Variants in STXBP5L observed in about 807,000 individuals in gnomAD.
STXBP5L encodes syntaxin-binding protein 5-like.
In STXBP5L, 65 loss-of-function variants were observed where a neutral mutation model predicts 144.5. The observed-to-expected ratio is 0.45, with a 90% confidence interval of 0.37 to 0.55. STXBP5L has a LOEUF of 0.55. STXBP5L is among the 20% of genes least tolerant of loss of function. STXBP5L has a pLI of 0.00. For missense variants in STXBP5L, 1,298 were observed against 1,405.5 expected (o/e 0.92, Z 1.22); for synonymous variants, 505 against 469.6 (o/e 1.08, Z -0.97).
At chr3:121,386,003 T>C (rs1012230822) in intron 22 of STXBP5L, among the ~76,000 whole-genome samples, 5 of 152,204 alleles carry the variant, frequency 3.3e-5, no homozygotes, top group Non-Finnish European at 1.5e-5. Context: ...AAAAACTTTA[T>C]TAAAGTATTA....
intron 7 of STXBP5L, among the ~76,000 whole-genome samples, chr3:121,126,880 C>A (rs1374356809): frequency 6.6e-6 from 1 of 152,184 alleles, no homozygotes; most frequent in Non-Finnish European, 1.5e-5. Flanking sequence ...TGGCTTGCAG[C>A]CCCTTTGTCT....
intron 20 of STXBP5L, among the ~76,000 whole-genome samples, chr3:121,342,787 A>G (rs1380010428): frequency 6.8e-6 from 1 of 146,278 alleles, no homozygotes; most frequent in East Asian, 2.0e-4. Flanking sequence ...TGCTATTGTG[A>G]ATAGTGCCAC....
intron 20 of STXBP5L, among the ~76,000 whole-genome samples, chr3:121,372,046 C>T (rs1298539795): frequency 6.6e-6 from 1 of 152,148 alleles, no homozygotes; most frequent in Non-Finnish European, 1.5e-5. Context: ...CGGGTGAGTG[C>T]CTGTGGGCAA....
chr3:121,334,793 G>T (rs2044447096), intron 20 of STXBP5L, among the ~76,000 whole-genome samples: 2 of 152,058 alleles, frequency 1.3e-5, no homozygotes, highest in Admixed American at 1.3e-4. Flanking sequence ...AACATACTAG[G>T]TAATGAAGGA....
intron 20 of STXBP5L, among the ~76,000 whole-genome samples, chr3:121,343,916 ACCAAAAAAGAG>A (rs1328624801): frequency 6.6e-6 from 1 of 152,062 alleles, no homozygotes; most frequent in Non-Finnish European, 1.5e-5. Context: ...TTCATATGGA[ACCAAAAAAGAG>A]CCTGCATCAC....
intron 20 of STXBP5L, among the ~76,000 whole-genome samples, chr3:121,342,292 A>T (rs1312274378): frequency 6.6e-6 from 1 of 152,138 alleles, no homozygotes; most frequent in Admixed American, 6.6e-5. Flanking sequence ...TCAAGCCTTG[A>T]ATGTATGTAA....
At chr3:121,053,535 A>T (rs1021978198) in intron 5 of STXBP5L, among the ~76,000 whole-genome samples, 1 of 152,140 alleles carries the variant, frequency 6.6e-6, no homozygotes, top group African/African-American at 2.4e-5. Context: ...AACTGGCTAG[A>T]CATGTGTAGA....
At position 121,379,597 on chromosome 3, in the gene STXBP5L, A is replaced by G. The variant is rs569772880; in HGVS notation, c.2347+711A>G. 1.7e-3 allele frequency among the ~76,000 whole-genome samples: 259 copies of G among 152,314 alleles called. 1 individual carries two copies. The highest frequency in any genetic ancestry group is 5.4e-3 in the African/African-American group (225 of 41,590). On this transcript the variant is annotated intron_variant, in intron 21 of 26. Coordinates refer to ENST00000471454, the MANE Select transcript of STXBP5L (RefSeq NM_001308330.2). ...TCCTGAAAACTTTTGACAGTGATCT[A>G]TATTGGTCTTCAAATTTAAAAAAAT...
At chr3:121,239,247 C>T (rs1010057932) in intron 13 of STXBP5L, 129 bp downstream of exon 13, 12 of 503,894 alleles carry the variant, frequency 2.4e-5, no homozygotes, top group Non-Finnish European at 1.0e-5. Context: ...TATAAGCCAA[C>T]ATCTATTAAA....
intron 2 of STXBP5L, among the ~76,000 whole-genome samples, chr3:120,950,066 TA>T (rs1322284691): frequency 1.3e-5 from 2 of 152,024 alleles, no homozygotes; most frequent in African/African-American, 4.8e-5. Flanking sequence ...TTTTGTCAAT[TA>T]AAAAATAATT....
intron 18 of STXBP5L, among the ~76,000 whole-genome samples, chr3:121,274,301 A>C (rs1391627297): frequency 3.9e-5 from 6 of 152,228 alleles, no homozygotes; most frequent in Admixed American, 2.6e-4. Flanking sequence ...TAAGAAAGAC[A>C]CAGGTATGGT....
At chr3:121,348,869 T>C (rs1481682598) in intron 20 of STXBP5L, among the ~76,000 whole-genome samples, 1 of 152,092 alleles carries the variant, frequency 6.6e-6, no homozygotes, top group Non-Finnish European at 1.5e-5. Flanking sequence ...TTATTCTTAC[T>C]AGCAGTCTAT....
intron 3 of STXBP5L, among the ~76,000 whole-genome samples, chr3:121,003,310 T>G (rs1217215441): frequency 8.0e-6 from 1 of 124,334 alleles, no homozygotes; most frequent in African/African-American, 3.5e-5. Flanking sequence ...TGGCCAGTGA[T>G]GATGAGCATT....
At chr3:121,306,164 A>G (rs2102559) in intron 19 of STXBP5L, among the ~76,000 whole-genome samples, 15,116 of 152,210 alleles carry the variant, frequency 0.099, 1,182 homozygotes, top group Admixed American at 0.2. Context: ...AAATGAAGAC[A>G]TATTTATTCA....
At chr3:121,125,952 T>C (rs2044686174) in intron 7 of STXBP5L, among the ~76,000 whole-genome samples, 1 of 152,162 alleles carries the variant, frequency 6.6e-6, no homozygotes, top group Admixed American at 6.6e-5. Flanking sequence ...ATTTGAGTCA[T>C]AGTTTTCTCA....
At chr3:121,251,476 G>A (rs1047906646) in intron 15 of STXBP5L, among the ~76,000 whole-genome samples, 2 of 152,170 alleles carry the variant, frequency 1.3e-5, no homozygotes, top group African/African-American at 4.8e-5. Context: ...TTAACATTTA[G>A]TGTGAGTTTT....
At chr3:121,386,918 C>A (rs374481308) in intron 22 of STXBP5L, among the ~76,000 whole-genome samples, 37 of 152,060 alleles carry the variant, frequency 2.4e-4, no homozygotes, top group African/African-American at 8.9e-4. Flanking sequence ...GTGTATATAC[C>A]CAGTAATGGG....
rs1053621751 is a variant in STXBP5L at position 120,963,892 on chromosome 3, C to T, written c.287+8855C>T. ...CTCTGGTAGTATTCTGCTTTGAATCCGTCTGGTCCTGGATTGTTTTTGGTT... is the reference window on the plus strand; with the variant it reads ...CTCTGGTAGTATTCTGCTTTGAATCTGTCTGGTCCTGGATTGTTTTTGGTT... On this transcript the variant is annotated intron_variant, in intron 3 of 26. Transcript: ENST00000471454. Among the ~76,000 whole-genome samples the T allele has an allele frequency of 5.3e-5, 8 of 152,060 alleles. No individual in the cohort carries two copies. The South Asian group carries it at 8.3e-4, about 16-fold the overall frequency.
intron 3 of STXBP5L, among the ~76,000 whole-genome samples, chr3:120,977,064 C>T (rs1364486213): frequency 6.6e-6 from 1 of 152,128 alleles, no homozygotes; most frequent in Non-Finnish European, 1.5e-5. Flanking sequence ...ATTAGGTCCA[C>T]TTGGTGCAGA....
Sources: gnomAD v4.1 joint callset for allele counts (sites outside exome capture counted in the v4.1 genomes callset) on GRCh38, gnomAD v4.1.1 for gene constraint, MANE v1.5 for transcripts, NCBI Gene and HGNC (gene_info 2026-07-23, HGNC 2026-07-21) for gene names.